Variants in DOCK2 observed in about 807,000 individuals in gnomAD.
DOCK2 encodes dedicator of cytokinesis protein 2.
DOCK2 carries 87 observed loss-of-function variants against 248.9 expected under a neutral mutation model. That is an observed-to-expected ratio of 0.35 (90% confidence interval 0.29 to 0.42). The LOEUF (loss-of-function observed/expected upper bound fraction) is 0.42, where lower values mean the gene tolerates loss of function less well. Among genes scored for constraint, DOCK2 ranks in the 10% least tolerant of loss-of-function variants. The pLI, the probability that DOCK2 is intolerant of heterozygous loss-of-function variation, is 1.00. For synonymous variants in DOCK2, 805 were observed against 821.6 expected (o/e 0.98, Z 0.35); for missense variants, 1,747 against 2,300.2 (o/e 0.76, Z 4.92).
At chr5:170,044,306 T>C (rs1756619577) in intron 38 of DOCK2, among the ~76,000 whole-genome samples, 1 of 152,208 alleles carries the variant, frequency 6.6e-6, no homozygotes, top group South Asian at 2.1e-4. Context: ...TATATCTGTT[T>C]CATTACTGCA....
intron 46 of DOCK2, among the ~76,000 whole-genome samples, chr5:170,070,637 G>T (rs996785814): frequency 6.6e-6 from 1 of 152,114 alleles, no homozygotes; most frequent in African/African-American, 2.4e-5. Flanking sequence ...GCTTTGACTC[G>T]TTCCCATCCT....
intron 8 of DOCK2, among the ~76,000 whole-genome samples, chr5:169,685,490 C>T (rs1759913758): frequency 1.3e-5 from 2 of 152,130 alleles, no homozygotes; most frequent in African/African-American, 2.4e-5. Flanking sequence ...GACCACTGAC[C>T]GTGACTGCAG....
intron 28 of DOCK2, among the ~76,000 whole-genome samples, chr5:169,983,767 T>C (rs999486903): frequency 6.6e-6 from 1 of 151,956 alleles, no homozygotes; most frequent in African/African-American, 2.4e-5. Flanking sequence ...GGTTCAGGAG[T>C]CCCACTGCTT....
chr5:170,071,563 C>T (rs1757683409), intron 46 of DOCK2, among the ~76,000 whole-genome samples: 1 of 152,136 alleles, frequency 6.6e-6, no homozygotes, highest in South Asian at 2.1e-4. Context: ...CTATAGTATG[C>T]TCTTCTTTTA....
chr5:169,961,061 A>C (rs1291235015), intron 27 of DOCK2, among the ~76,000 whole-genome samples: 1 of 152,234 alleles, frequency 6.6e-6, no homozygotes, highest in Non-Finnish European at 1.5e-5. Context: ...ACCCCAGTAT[A>C]TTGCATGAGT....
chr5:169,958,292 A>T (rs1028492727), intron 27 of DOCK2, among the ~76,000 whole-genome samples: 1 of 152,164 alleles, frequency 6.6e-6, no homozygotes, highest in Non-Finnish European at 1.5e-5. Context: ...AAGCTTATGA[A>T]TCTATTAGAT....
chr5:169,838,638 A>G (rs981099359), intron 26 of DOCK2, among the ~76,000 whole-genome samples: 4 of 152,182 alleles, frequency 2.6e-5, no homozygotes, highest in African/African-American at 9.7e-5. Context: ...TGTCAGGAGT[A>G]GAAAGGGCTG....
chr5:169,945,232 A>C (rs1368050420), intron 27 of DOCK2, among the ~76,000 whole-genome samples: 1 of 152,250 alleles, frequency 6.6e-6, no homozygotes, highest in African/African-American at 2.4e-5. Flanking sequence ...CAACCTCTCC[A>C]GGACTGTGTT....
chr5:169,998,047 T>C (rs1487425970), intron 30 of DOCK2: 8 of 456,148 alleles, frequency 1.8e-5, no homozygotes, highest in Non-Finnish European at 3.5e-5. Flanking sequence ...AAGTTTCTGT[T>C]CAAATACTTC....
intron 22 of DOCK2, among the ~76,000 whole-genome samples, chr5:169,726,095 A>G (rs1342009072): frequency 1.3e-5 from 2 of 152,086 alleles, no homozygotes; most frequent in African/African-American, 2.4e-5. Context: ...GTCTTCCACA[A>G]TGATTGAACT....
At chr5:169,974,671 T>C (rs912721310) in intron 27 of DOCK2, among the ~76,000 whole-genome samples, 1 of 152,148 alleles carries the variant, frequency 6.6e-6, no homozygotes, top group Non-Finnish European at 1.5e-5. Context: ...CTCCTGGTTT[T>C]GATTTTTCTC....
At chr5:169,796,910 G>T (rs973691414) in intron 25 of DOCK2, among the ~76,000 whole-genome samples, 1 of 152,186 alleles carries the variant, frequency 6.6e-6, no homozygotes, top group African/African-American at 2.4e-5. Flanking sequence ...TAAGGGAAGA[G>T]CTTGCTCACA....
chr5:169,976,587 GA>G (rs1210350379), intron 27 of DOCK2, among the ~76,000 whole-genome samples: 3 of 151,638 alleles, frequency 2.0e-5, no homozygotes, highest in Non-Finnish European at 4.4e-5. Context: ...ATCTCAAAAA[GA>G]AAAAAAAGAA....
intron 47 of DOCK2, among the ~76,000 whole-genome samples, chr5:170,076,789 C>A (rs934117325): frequency 6.6e-6 from 1 of 152,160 alleles, no homozygotes; most frequent in Non-Finnish European, 1.5e-5. Flanking sequence ...TCTCTTGATT[C>A]AAAGATTTTT....
chr5:170,069,072 C>A, intron 45 of DOCK2, 65 bp from the exon 46 acceptor site: 1 of 1,465,720 alleles, frequency 6.8e-7, no homozygotes, highest in Non-Finnish European at 9.4e-7. Flanking sequence ...CTCCCAGTGC[C>A]AAAGAGATTG....
intron 27 of DOCK2, among the ~76,000 whole-genome samples, chr5:169,975,969 G>A (rs752681388): frequency 2.0e-5 from 3 of 152,174 alleles, no homozygotes; most frequent in Admixed American, 1.3e-4. Flanking sequence ...AATTTAAGAT[G>A]GGATGTGTTC....
intron 6 of DOCK2, among the ~76,000 whole-genome samples, chr5:169,680,675 C>G (rs1759608881): frequency 6.6e-6 from 1 of 151,922 alleles, no homozygotes; most frequent in Non-Finnish European, 1.5e-5. Flanking sequence ...AAGCTATGAT[C>G]ACACCACTGT....
intron 27 of DOCK2, among the ~76,000 whole-genome samples, chr5:169,894,756 T>A (rs1773500324): frequency 6.6e-6 from 1 of 152,196 alleles, no homozygotes; most frequent in Non-Finnish European, 1.5e-5. Flanking sequence ...ACTGTTCTTA[T>A]CTTTACCATG....
intron 42 of DOCK2, chr5:170,056,431 G>A: frequency 2.7e-6 from 1 of 365,376 alleles, no homozygotes; most frequent in Non-Finnish European, 4.9e-6. Context: ...CAATTGCCTG[G>A]ATACTCTAGG....
Sources: allele counts gnomAD v4.1 joint callset (sites outside exome capture counted in the v4.1 genomes callset), GRCh38; gene constraint gnomAD v4.1.1; transcripts MANE v1.5; gene names NCBI Gene and HGNC (gene_info 2026-07-23, HGNC 2026-07-21).